The following NEBL variants were observed in gnomAD, a reference collection of about 807,000 sequenced individuals.
The protein encoded by NEBL is LIM and SH3 protein 2.
In NEBL, 122 loss-of-function variants were observed where a neutral mutation model predicts 140.2. The ratio of observed to expected loss-of-function variants is 0.87; its 90% CI spans 0.75 to 1.01. The LOEUF is 1.01. NEBL is among the 50% of genes least tolerant of loss of function. The pLI, the probability that NEBL is intolerant of heterozygous loss-of-function variation, is 0.00. For missense variants in NEBL, 1,365 were observed against 1,231.3 expected (o/e 1.11, Z -1.62); for synonymous variants, 436 against 398.9 (o/e 1.09, Z -1.11).
intron 12 of NEBL, among the ~76,000 whole-genome samples, chr10:20,842,626 A>T (rs141466950): frequency 2.0e-4 from 30 of 152,236 alleles, no homozygotes; most frequent in Middle Eastern, 3.4e-3. Flanking sequence ...TTATGGTTGC[A>T]TATATTTATG....
At chr10:21,140,245 T>C (rs910737764) in intron 2 of NEBL, among the ~76,000 whole-genome samples, 2 of 152,278 alleles carry the variant, frequency 1.3e-5, no homozygotes, top group Non-Finnish European at 2.9e-5. Flanking sequence ...CAGATTTGAA[T>C]TGATTTTAGA....
intron 2 of NEBL, among the ~76,000 whole-genome samples, chr10:21,120,273 G>A (rs1838474154): frequency 6.7e-6 from 1 of 150,170 alleles, no homozygotes; most frequent in South Asian, 2.1e-4. Context: ...TACTCTGGAG[G>A]CTGAGATAGA....
chr10:20,789,945 A>G (rs1835803653), intron 26 of NEBL, among the ~76,000 whole-genome samples: 1 of 149,420 alleles, frequency 6.7e-6, no homozygotes, highest in Admixed American at 6.7e-5. Flanking sequence ...GTATATATAT[A>G]TGTGTGTGTA....
chr10:21,278,302 G>A (rs1194687029), intron 1 of NEBL, among the ~76,000 whole-genome samples: 3 of 152,172 alleles, frequency 2.0e-5, no homozygotes, highest in Non-Finnish European at 4.4e-5. Context: ...ACATGAGCTA[G>A]GTGTGGTGGC....
chr10:20,875,246 G>T (rs963517169), intron 5 of NEBL, among the ~76,000 whole-genome samples: 1 of 151,938 alleles, frequency 6.6e-6, no homozygotes, highest in East Asian at 1.9e-4. Flanking sequence ...CATGTCTTTT[G>T]CATGTTCCCT....
chr10:21,009,279 G>T (rs1167993686), intron 3 of NEBL, among the ~76,000 whole-genome samples: 1 of 152,122 alleles, frequency 6.6e-6, no homozygotes, highest in Non-Finnish European at 1.5e-5. Flanking sequence ...CTTGGAATTG[G>T]TATATTTAGT....
intron 2 of NEBL, among the ~76,000 whole-genome samples, chr10:21,106,385 G>T (rs1006584538): frequency 7.2e-5 from 11 of 152,066 alleles, no homozygotes; most frequent in Non-Finnish European, 1.3e-4. Flanking sequence ...AAGGGATCCA[G>T]TTTCAGCTTT....
intron 2 of NEBL, among the ~76,000 whole-genome samples, chr10:21,044,427 A>AAAAG (rs1834417130): frequency 6.8e-6 from 1 of 147,610 alleles, no homozygotes; most frequent in Non-Finnish European, 1.5e-5. Context: ...AAAAAAAAAA[A>AAAAG]GCTCCTAACT....
chr10:20,875,664 A>C (rs1845427507), intron 5 of NEBL, among the ~76,000 whole-genome samples: 1 of 152,126 alleles, frequency 6.6e-6, no homozygotes, highest in South Asian at 2.1e-4. Context: ...GATGACTTTC[A>C]CTTGGAGATG....
At chr10:21,242,238 T>A (rs1304873250) in intron 3 of NEBL, among the ~76,000 whole-genome samples, 1 of 138,438 alleles carries the variant, frequency 7.2e-6, no homozygotes, top group Non-Finnish European at 1.6e-5. Context: ...AGAAAAGAAA[T>A]GTTCTGTAAA....
chr10:20,917,427 A>G (rs1466420120), intron 4 of NEBL, among the ~76,000 whole-genome samples: 1 of 152,234 alleles, frequency 6.6e-6, no homozygotes, highest in African/African-American at 2.4e-5. Context: ...TCACAACAGA[A>G]GCAAAGGGTA....
intron 26 of NEBL, among the ~76,000 whole-genome samples, chr10:20,802,134 TGCAA>T (rs1350115171): frequency 6.6e-6 from 1 of 152,194 alleles, no homozygotes; most frequent in Non-Finnish European, 1.5e-5. Context: ...CAGGTGAGAT[TGCAA>T]GCACATACGA....
At chr10:21,212,196 TATA>T (rs1435219104) in intron 3 of NEBL, among the ~76,000 whole-genome samples, 2 of 151,420 alleles carry the variant, frequency 1.3e-5, no homozygotes, top group East Asian at 2.0e-4. Flanking sequence ...ACAATATATG[TATA>T]ATATGTCAGA....
At chr10:20,835,246 T>C (rs1440612757) in intron 14 of NEBL, among the ~76,000 whole-genome samples, 18 of 152,190 alleles carry the variant, frequency 1.2e-4, no homozygotes, top group Non-Finnish European at 1.5e-5. Context: ...TATTCTGAAA[T>C]AAGGTGTGCA....
intron 2 of NEBL, among the ~76,000 whole-genome samples, chr10:21,248,673 G>A (rs906794684): frequency 1.2e-4 from 19 of 152,266 alleles, no homozygotes; most frequent in South Asian, 6.2e-4. Context: ...ATATTTTTGC[G>A]TATATGCCCA....
chr10:20,800,830 T>G (rs1465906626), intron 26 of NEBL, among the ~76,000 whole-genome samples: 1 of 151,872 alleles, frequency 6.6e-6, no homozygotes, highest in East Asian at 1.9e-4. Flanking sequence ...AACAACGCAA[T>G]GCAGACCAGA....
At chr10:20,835,656 A>G (rs114085205) in intron 13 of NEBL, 33 bp from the exon 14 acceptor site, 3 of 1,439,148 alleles carry the variant, frequency 2.1e-6, no homozygotes, top group Admixed American at 3.3e-5. Flanking sequence ...ACATTCAAAC[A>G]CTCAGTGGGC....
intron 2 of NEBL, among the ~76,000 whole-genome samples, chr10:21,162,874 G>T (rs555966793): frequency 6.6e-6 from 1 of 152,210 alleles, no homozygotes; most frequent in Non-Finnish European, 1.5e-5. Context: ...ATGCCAGAGG[G>T]CATAAGAACA....
intron 3 of NEBL, among the ~76,000 whole-genome samples, chr10:21,015,113 C>G (rs1589137510): frequency 6.6e-6 from 1 of 152,198 alleles, no homozygotes; most frequent in African/African-American, 2.4e-5. Flanking sequence ...AAGCCAAGCA[C>G]ATAAACAACT....
Sources: allele counts gnomAD v4.1 joint callset (sites outside exome capture counted in the v4.1 genomes callset), GRCh38; gene constraint gnomAD v4.1.1; transcripts MANE v1.5; gene names NCBI Gene and HGNC (gene_info 2026-07-23, HGNC 2026-07-21).